Variants in GPC5 observed in about 807,000 individuals in gnomAD.
The protein encoded by GPC5 is glypican-5.
A neutral mutation model predicts 53.9 loss-of-function variants in GPC5; 47 were observed. That is an observed-to-expected ratio of 0.87 (90% confidence interval 0.69 to 1.11). The LOEUF is 1.11. Among genes scored for constraint, GPC5 ranks in the 50% most tolerant of loss-of-function variants. GPC5 has a pLI of 0.00. For synonymous variants in GPC5, 286 were observed against 263.3 expected, an observed-to-expected ratio of 1.09 and a Z score of -0.84; for missense variants, 748 against 713.1, an observed-to-expected ratio of 1.05 and a Z score of -0.56.
rs376509724 is a variant in GPC5 at position 92,177,407 on chromosome 13, T to G, written c.1561+32418T>G. On this transcript the variant is annotated intron_variant, in intron 7 of 7. Transcript: ENST00000377067. The stretch of plus-strand genomic sequence containing the variant: ...TCTCACTTTCCTTATTTCAAATGAT[T>G]AACCTATCTTGATGGAAAGTTGATC... Among the ~76,000 whole-genome samples the G allele has an allele frequency of 1.6e-3, 243 of 152,364 alleles. 1 individual carries two copies. The highest frequency in any genetic ancestry group is 5.6e-3 in the African/African-American group (232 of 41,588).
intron 7 of GPC5, among the ~76,000 whole-genome samples, chr13:92,177,313 A>T (rs747140152): frequency 1.3e-5 from 2 of 151,968 alleles, no homozygotes; most frequent in Non-Finnish European, 2.9e-5. Context: ...CTGCATCTTC[A>T]CTGTTAATGT....
intron 7 of GPC5, among the ~76,000 whole-genome samples, chr13:92,346,595 G>A (rs2043414523): frequency 6.6e-6 from 1 of 152,174 alleles, no homozygotes; most frequent in South Asian, 2.1e-4. Context: ...GATCAGAAGA[G>A]GAGGCCGTCT....
At chr13:92,354,771 A>G in intron 7 of GPC5, among the ~76,000 whole-genome samples, 1 of 152,166 alleles carries the variant, frequency 6.6e-6, no homozygotes, top group Non-Finnish European at 1.5e-5. Context: ...AAATGGGGGA[A>G]GAGCATTCCA....
intron 7 of GPC5, among the ~76,000 whole-genome samples, chr13:92,731,596 G>A (rs1888806441): frequency 6.6e-6 from 1 of 151,150 alleles, no homozygotes; most frequent in Non-Finnish European, 1.5e-5. Flanking sequence ...AGAGATTAAT[G>A]GAAAAAGAAA....
rs564358149 is a variant in GPC5 at position 91,719,150 on chromosome 13, G to A, written c.1021-9382G>A. Among the ~76,000 whole-genome samples the A allele has an allele frequency of 5.8e-4, 89 of 152,256 alleles. 2 individuals carry two copies. The South Asian group carries it at 0.017, about 29-fold the overall frequency. ...GTATGTCTATTTTGCAAATGTCAAA[G>A]GATGGACAGAGCTTGCAAGTGAATT... On this transcript the variant is annotated intron_variant, in intron 3 of 7. Transcript: ENST00000377067.
At chr13:92,193,732 C>T (rs906960986) in intron 7 of GPC5, among the ~76,000 whole-genome samples, 3 of 152,282 alleles carry the variant, frequency 2.0e-5, no homozygotes, top group Middle Eastern at 3.4e-3. Context: ...TTCGGCTCTG[C>T]CCCAGAAGTC....
chr13:92,446,309 T>C lies in GPC5; in HGVS notation c.1561+301320T>C, dbSNP rs571153350. On this transcript the variant is annotated intron_variant, in intron 7 of 7. Coordinates refer to ENST00000377067, the MANE Select transcript of GPC5 (RefSeq NM_004466.6). ...CTCTCTATCCCTGTCAGTTCAATTG[T>C]TTTAATTTTTAGCTCCCACAAATAA... Among the ~76,000 whole-genome samples, 21 of 151,814 alleles carry C rather than the reference T, an allele frequency of 1.4e-4. No homozygotes were observed. The East Asian group carries it at 4.1e-3, about 29-fold the overall frequency.
chr13:92,505,542 G>A (rs1352025075), intron 7 of GPC5, among the ~76,000 whole-genome samples: 2 of 152,030 alleles, frequency 1.3e-5, no homozygotes, highest in Admixed American at 6.6e-5. Context: ...CACTCTTTAA[G>A]GTGGTTGGTA....
At chr13:91,855,858 T>C (rs1445544245) in intron 5 of GPC5, among the ~76,000 whole-genome samples, 2 of 151,492 alleles carry the variant, frequency 1.3e-5, no homozygotes, top group African/African-American at 4.8e-5. Context: ...AATGCATAGA[T>C]TGTAGATATA....
At chr13:92,044,143 C>T (rs1258034859) in intron 6 of GPC5, among the ~76,000 whole-genome samples, 1 of 152,154 alleles carries the variant, frequency 6.6e-6, no homozygotes, top group African/African-American at 2.4e-5. Context: ...TACAACGTTT[C>T]CTGTACCAGA....
At chr13:92,169,696 C>T (rs755370616) in intron 7 of GPC5, among the ~76,000 whole-genome samples, 1 of 151,694 alleles carries the variant, frequency 6.6e-6, no homozygotes, top group African/African-American at 2.4e-5. Context: ...GTATTTTTTC[C>T]AGAAGGTAGT....
intron 2 of GPC5, among the ~76,000 whole-genome samples, chr13:91,545,420 C>A (rs183085950): frequency 1.6e-3 from 241 of 152,156 alleles, no homozygotes; most frequent in Non-Finnish European, 2.4e-3. Flanking sequence ...GTTTTAAGTT[C>A]ATATCTTAAA....
At chr13:91,969,360 T>C (rs1325645994) in intron 6 of GPC5, among the ~76,000 whole-genome samples, 1 of 152,148 alleles carries the variant, frequency 6.6e-6, no homozygotes, top group Non-Finnish European at 1.5e-5. Flanking sequence ...AAATAAGTTA[T>C]GAACACAAAA....
At chr13:92,535,299 C>T (rs1040479695) in intron 7 of GPC5, among the ~76,000 whole-genome samples, 9 of 152,206 alleles carry the variant, frequency 5.9e-5, no homozygotes, top group Non-Finnish European at 1.2e-4. Context: ...GCTACCAAAA[C>T]ACCAAGGGTT....
rs375278573 is a variant in GPC5, at chr13:91,856,892, G to A, written c.1281-51045G>A. 1.5e-3 allele frequency among the ~76,000 whole-genome samples: 229 copies of A among 151,018 alleles called. 1 individual carries two copies. The Middle Eastern group carries it at 0.055, about 36-fold the overall frequency. ...TTATATCAGAATCTTTATAGCTTTA[G>A]ACTATACACCTAAATTTATTGTATA... On this transcript the variant is annotated intron_variant, in intron 5 of 7. Transcript: ENST00000377067.
intron 7 of GPC5, among the ~76,000 whole-genome samples, chr13:92,254,914 G>A (rs2042716977): frequency 6.6e-6 from 1 of 152,096 alleles, no homozygotes; most frequent in Non-Finnish European, 1.5e-5. Flanking sequence ...GATGAAATTT[G>A]GGTGGGGACA....
At chr13:92,671,057 T>C (rs543997863) in intron 7 of GPC5, among the ~76,000 whole-genome samples, 1 of 152,162 alleles carries the variant, frequency 6.6e-6, no homozygotes, top group Non-Finnish European at 1.5e-5. Flanking sequence ...TATTTTAGAG[T>C]GCTGTAGATC....
In GPC5 at chr13:92,784,776, A is replaced by G. The variant is rs538329709; in HGVS notation, c.1562-81506A>G. Among the ~76,000 whole-genome samples, 52 of 152,324 alleles carry G rather than the reference A, an allele frequency of 3.4e-4. 1 individual carries two copies. Among genetic ancestry groups the G allele is most frequent in the African/African-American group, 1.2e-3 (51 of 41,576 alleles). Reference sequence around the variant, plus strand: ...AAAATCATTACCCAGGGATCCTAAGATATATCAGGTTATCTTCCGATTAAA... The same window carrying G: ...AAAATCATTACCCAGGGATCCTAAGGTATATCAGGTTATCTTCCGATTAAA... On this transcript the variant is annotated intron_variant, in intron 7 of 7. Coordinates refer to ENST00000377067, the MANE Select transcript of GPC5 (RefSeq NM_004466.6).
chr13:92,331,075 T>A (rs1827762080), intron 7 of GPC5, among the ~76,000 whole-genome samples: 1 of 152,138 alleles, frequency 6.6e-6, no homozygotes, highest in Non-Finnish European at 1.5e-5. Flanking sequence ...CTAAATAGAT[T>A]TTTTTAAATA....
Sources: allele counts gnomAD v4.1 joint callset (sites outside exome capture counted in the v4.1 genomes callset), GRCh38; gene constraint gnomAD v4.1.1; transcripts MANE v1.5; gene names NCBI Gene and HGNC (gene_info 2026-07-23, HGNC 2026-07-21).